Variants in RMDN2 observed in about 807,000 individuals in gnomAD.
RMDN2 encodes regulator of microtubule dynamics 2.
In RMDN2, 61 loss-of-function variants were observed where a neutral mutation model predicts 52.8. The observed-to-expected ratio is 1.16, with a 90% CI of 0.94 to 1.43. RMDN2 has a LOEUF of 1.43. RMDN2 is among the 40% of genes most tolerant of loss of function. The pLI is 0.00. For synonymous variants in RMDN2, 180 were observed against 153.1 expected, an observed-to-expected ratio of 1.18 and a Z score of -1.30; for missense variants, 592 against 475.3, an observed-to-expected ratio of 1.25 and a Z score of -2.28.
At chr2:38,055,257 C>G (rs1453374502) in intron 10 of RMDN2, among the ~76,000 whole-genome samples, 2 of 151,898 alleles carry the variant, frequency 1.3e-5, no homozygotes, top group Admixed American at 6.6e-5. Flanking sequence ...TTCTAAAGCA[C>G]TTGCCTGTTT....
chr2:37,942,991 C>T (rs924743910), intron 2 of RMDN2, among the ~76,000 whole-genome samples: 1 of 152,194 alleles, frequency 6.6e-6, no homozygotes, highest in Non-Finnish European at 1.5e-5. Context: ...CAGCCAGATG[C>T]TAGACCTTCC....
downstream of RMDN2, among the ~76,000 whole-genome samples, chr2:38,020,372 C>A (rs1366374638): frequency 6.6e-6 from 1 of 152,210 alleles, no homozygotes; most frequent in Non-Finnish European, 1.5e-5. Flanking sequence ...AGCCCTCGCT[C>A]GCTCTCTGCG....
At chr2:38,007,488 T>C (rs1193038242) in intron 10 of RMDN2, among the ~76,000 whole-genome samples, 8 of 152,216 alleles carry the variant, frequency 5.3e-5, no homozygotes, top group Admixed American at 5.2e-4. Context: ...CTAGTTTATT[T>C]GCGTAGAGGT....
At chr2:38,064,345 C>G (rs1682180779) in intron 10 of RMDN2, among the ~76,000 whole-genome samples, 1 of 151,916 alleles carries the variant, frequency 6.6e-6, no homozygotes, top group African/African-American at 2.4e-5. Flanking sequence ...CAAAAATTAG[C>G]CAGACATGGT....
chr2:37,976,616 C>T (rs900082289), intron 4 of RMDN2, among the ~76,000 whole-genome samples: 1 of 152,200 alleles, frequency 6.6e-6, no homozygotes, highest in Non-Finnish European at 1.5e-5. Context: ...GCTTCCCCCT[C>T]TTGTTTGCAT....
At chr2:38,024,565 A>G (rs978760066) in intron 10 of RMDN2, among the ~76,000 whole-genome samples, 3 of 152,140 alleles carry the variant, frequency 2.0e-5, no homozygotes, top group Non-Finnish European at 4.4e-5. Flanking sequence ...TTTATTTGTC[A>G]TCTGTATATC....
intron 2 of RMDN2, among the ~76,000 whole-genome samples, chr2:37,954,399 C>A (rs946047548): frequency 2.0e-5 from 3 of 151,862 alleles, no homozygotes; most frequent in Non-Finnish European, 4.4e-5. Flanking sequence ...AATGGTCTTA[C>A]TTCATTCTTT....
At position 37,988,858 on chromosome 2, in the gene RMDN2, C is replaced by T. The variant is rs953617297; in HGVS notation, c.792-683C>T. Among the ~76,000 whole-genome samples, 5 of 152,150 alleles carry T rather than the reference C, an allele frequency of 3.3e-5. No homozygotes were observed. The South Asian group carries it at 1.0e-3, about 32-fold the overall frequency. ...ATTGCTGAACAAATATTGCATGCAA[C>T]TTAAAGTCAAATAACTATTTGTATA... On this transcript the variant is annotated intron_variant, in intron 5 of 10. Coordinates refer to ENST00000354545, the MANE Select transcript of RMDN2 (RefSeq NM_001170791.3).
At chr2:37,965,247 G>T (rs1670878172) in intron 2 of RMDN2, among the ~76,000 whole-genome samples, 1 of 151,522 alleles carries the variant, frequency 6.6e-6, no homozygotes, top group Non-Finnish European at 1.5e-5. Flanking sequence ...AGATAGGAAA[G>T]GACTTATTAT....
chr2:38,048,350 T>A (rs768776796), intron 10 of RMDN2, among the ~76,000 whole-genome samples: 20 of 152,208 alleles, frequency 1.3e-4, no homozygotes, highest in Non-Finnish European at 2.1e-4. Flanking sequence ...CGGCCTTTAC[T>A]GAAGTGGCTA....
chr2:37,928,271 T>A (rs1307872170), intron 1 of RMDN2, among the ~76,000 whole-genome samples: 2 of 152,228 alleles, frequency 1.3e-5, no homozygotes, highest in Non-Finnish European at 2.9e-5. Context: ...AGAAATAGAT[T>A]ATGGCTGCTT....
In RMDN2 at chr2:37,989,455, A is replaced by G. The variant is rs548609347; in HGVS notation, c.792-86A>G. On this transcript the variant is annotated intron_variant, in intron 5 of 10. Transcript: ENST00000354545. The stretch of plus-strand genomic sequence containing the variant: ...TGTTAAATATGAATGAATGCTTTAG[A>G]GTTTCTTTTAATGTTATGTTTTGGT... 73 of 805,858 alleles carry G rather than the reference A, an allele frequency of 9.1e-5. 3 individuals carry two copies. The highest frequency in any genetic ancestry group is 5.8e-4 in the South Asian group (38 of 65,408). The allele number at this position is 805,858 out of a possible 1,614,324, so 49.9% of individuals were successfully genotyped here. A position where few individuals can be genotyped will look rare whatever the true frequency, so the allele number is the denominator to read the frequency against.
chr2:37,960,798 A>G (rs530040891), intron 2 of RMDN2, among the ~76,000 whole-genome samples: 26 of 152,202 alleles, frequency 1.7e-4, no homozygotes, highest in African/African-American at 5.5e-4. Context: ...TGGTCTGTGT[A>G]TTTTGGTATG....
At chr2:37,980,915 A>G (rs945056832) in intron 4 of RMDN2, among the ~76,000 whole-genome samples, 2 of 152,178 alleles carry the variant, frequency 1.3e-5, no homozygotes, top group African/African-American at 4.8e-5. Flanking sequence ...CTCACACAGT[A>G]TGGCACATAG....
At chr2:37,967,468 G>C (rs1393023034) in intron 2 of RMDN2, among the ~76,000 whole-genome samples, 1 of 152,214 alleles carries the variant, frequency 6.6e-6, no homozygotes, top group East Asian at 1.9e-4. Flanking sequence ...AGAGGTGAAA[G>C]TGGTCCAATC....
At chr2:38,041,297 T>C (rs1177167888) in intron 10 of RMDN2, among the ~76,000 whole-genome samples, 1 of 152,226 alleles carries the variant, frequency 6.6e-6, no homozygotes, top group Non-Finnish European at 1.5e-5. Context: ...GTGTTCCTCC[T>C]TGATTTTTTC....
At chr2:38,065,599 C>G (rs1214452263) in intron 10 of RMDN2, among the ~76,000 whole-genome samples, 1 of 152,162 alleles carries the variant, frequency 6.6e-6, no homozygotes, top group Non-Finnish European at 1.5e-5. Flanking sequence ...CTTGGTTCTT[C>G]TCTCTCCCTC....
intron 2 of RMDN2, chr2:37,951,723 G>T: frequency 6.2e-7 from 1 of 1,612,456 alleles, no homozygotes; most frequent in Non-Finnish European, 8.5e-7. Flanking sequence ...AAGTAATACT[G>T]ATGCTAAAAA....
intron 2 of RMDN2, among the ~76,000 whole-genome samples, chr2:37,973,299 G>A (rs189253530): frequency 2.6e-5 from 4 of 152,304 alleles, no homozygotes; most frequent in East Asian, 3.9e-4. Context: ...TAAAAACCAC[G>A]TTAAAGTTTA....
Sources: gnomAD v4.1 joint callset for allele counts (sites outside exome capture counted in the v4.1 genomes callset) on GRCh38, gnomAD v4.1.1 for gene constraint, MANE v1.5 for transcripts, NCBI Gene and HGNC (gene_info 2026-07-23, HGNC 2026-07-21) for gene names.